The following DGKB variants were observed in gnomAD, a reference collection of about 807,000 sequenced individuals.
DGKB encodes diacylglycerol kinase beta.
DGKB carries 67 observed loss-of-function variants against 114.3 expected under a neutral mutation model. The ratio of observed to expected loss-of-function variants is 0.59; its 90% CI spans 0.48 to 0.72. The LOEUF (loss-of-function observed/expected upper bound fraction) is 0.72. Among genes scored for constraint, DGKB ranks in the 30% least tolerant of loss-of-function variants. DGKB has a pLI of 0.00. For synonymous variants in DGKB, 398 were observed against 323.1 expected (o/e 1.23, Z -2.49); for missense variants, 907 against 975.2 (o/e 0.93, Z 0.93).
At chr7:14,434,174 C>T (rs1828901302) in intron 21 of DGKB, among the ~76,000 whole-genome samples, 1 of 152,106 alleles carries the variant, frequency 6.6e-6, no homozygotes, top group South Asian at 2.1e-4. Context: ...GATGGACAAG[C>T]AAACTGTTTG....
At chr7:14,758,510 A>G (rs924744819) in intron 2 of DGKB, among the ~76,000 whole-genome samples, 18 of 152,154 alleles carry the variant, frequency 1.2e-4, no homozygotes, top group Non-Finnish European at 1.5e-5. Flanking sequence ...GCTAACAAAT[A>G]TGGGTAAGTC....
chr7:14,175,556 A>T (rs1781603659), intron 25 of DGKB, among the ~76,000 whole-genome samples: 1 of 152,150 alleles, frequency 6.6e-6, no homozygotes, highest in Non-Finnish European at 1.5e-5. Context: ...CCAGAGTACT[A>T]GGATAGACCA....
intron 1 of DGKB, among the ~76,000 whole-genome samples, chr7:14,852,029 C>T (rs1400435602): frequency 6.6e-6 from 1 of 152,152 alleles, no homozygotes; most frequent in African/African-American, 2.4e-5. Flanking sequence ...CCTACCAAAT[C>T]TATAAACACA....
intron 20 of DGKB, among the ~76,000 whole-genome samples, chr7:14,537,321 T>G (rs1792666669): frequency 6.6e-6 from 1 of 152,090 alleles, no homozygotes; most frequent in Non-Finnish European, 1.5e-5. Flanking sequence ...AAAATAATTC[T>G]AAAATTCATA....
chr7:14,416,688 C>T (rs554827741), intron 21 of DGKB, among the ~76,000 whole-genome samples: 4 of 152,124 alleles, frequency 2.6e-5, no homozygotes, highest in Admixed American at 6.6e-5. Flanking sequence ...TGTGCTGCCA[C>T]GTAAGGCCTT....
intron 20 of DGKB, among the ~76,000 whole-genome samples, chr7:14,494,436 GTGACCCTA>G (rs1785016195): frequency 6.6e-6 from 1 of 151,800 alleles, no homozygotes. Context: ...ATCTTAATTT[GTGACCCTA>G]CCCACCAAAA....
chr7:14,211,242 C>T (rs1218240514), intron 23 of DGKB, among the ~76,000 whole-genome samples: 3 of 152,152 alleles, frequency 2.0e-5, no homozygotes, highest in Non-Finnish European at 2.9e-5. Flanking sequence ...GTATTTGAAA[C>T]GTGTGACCAT....
intron 7 of DGKB, among the ~76,000 whole-genome samples, chr7:14,700,340 A>G (rs1177354295): frequency 6.6e-6 from 1 of 151,848 alleles, no homozygotes; most frequent in Non-Finnish European, 1.5e-5. Flanking sequence ...CAGCCTCCCA[A>G]GTAGCTGGGA....
intron 17 of DGKB, among the ~76,000 whole-genome samples, chr7:14,587,482 A>C (rs1584977056): frequency 6.6e-6 from 1 of 152,180 alleles, no homozygotes; most frequent in Non-Finnish European, 1.5e-5. Flanking sequence ...AGATTATTAC[A>C]TAAATTTAAT....
At chr7:14,952,627 A>C (rs1786270602) in intron 1 of DGKB, among the ~76,000 whole-genome samples, 1 of 151,892 alleles carries the variant, frequency 6.6e-6, no homozygotes, top group Non-Finnish European at 1.5e-5. Flanking sequence ...ATGGTGGCGC[A>C]CGTCTCTAAT....
At chr7:14,184,778 ACCT>A (rs1031104813) in intron 23 of DGKB, among the ~76,000 whole-genome samples, 5 of 151,672 alleles carry the variant, frequency 3.3e-5, no homozygotes, top group Admixed American at 1.3e-4. Context: ...GGAAAGCACC[ACCT>A]CCTGGCAGGA....
At chr7:14,870,251 C>T (rs1852255865) in intron 1 of DGKB, among the ~76,000 whole-genome samples, 1 of 152,280 alleles carries the variant, frequency 6.6e-6, no homozygotes, top group East Asian at 1.9e-4. Flanking sequence ...CCTCTCCACT[C>T]TCCTGTTTCT....
chr7:14,708,312 A>G (rs944638282), intron 6 of DGKB, among the ~76,000 whole-genome samples: 1 of 118,230 alleles, frequency 8.5e-6, no homozygotes, highest in Admixed American at 8.9e-5. Flanking sequence ...AGGAAATAAA[A>G]GAGGATACAA....
chr7:14,971,272 CATAA>C (rs1158597244), intron 1 of DGKB, among the ~76,000 whole-genome samples: 3 of 152,098 alleles, frequency 2.0e-5, no homozygotes, highest in Non-Finnish European at 2.9e-5. Context: ...GAACAATAGT[CATAA>C]ATAAATATAT....
chr7:14,659,317 CT>C (rs1211046944), intron 13 of DGKB, among the ~76,000 whole-genome samples: 1 of 151,512 alleles, frequency 6.6e-6, no homozygotes. Flanking sequence ...ATAAATTACC[CT>C]GGGCAGTATG....
chr7:14,160,201 T>C (rs62443529), intron 25 of DGKB, among the ~76,000 whole-genome samples: 52,306 of 152,000 alleles, frequency 0.34, 9,985 homozygotes, highest in South Asian at 0.51. Flanking sequence ...AGCATTCCCT[T>C]TGAAAACTGG....
chr7:14,208,587 G>A (rs1296816165), intron 23 of DGKB, among the ~76,000 whole-genome samples: 1 of 151,744 alleles, frequency 6.6e-6, no homozygotes, highest in Non-Finnish European at 1.5e-5. Context: ...ATTTCTTTAT[G>A]TTTGTGTGTA....
intron 13 of DGKB, among the ~76,000 whole-genome samples, chr7:14,646,707 A>G (rs1813094156): frequency 6.6e-6 from 1 of 152,166 alleles, no homozygotes; most frequent in South Asian, 2.1e-4. Context: ...TTGTACAAAT[A>G]CATGGAAATT....
chr7:14,418,696 G>A (rs557635520), intron 21 of DGKB, among the ~76,000 whole-genome samples: 1 of 151,872 alleles, frequency 6.6e-6, no homozygotes, highest in East Asian at 1.9e-4. Flanking sequence ...AAACATCTAG[G>A]TTTAATCCTG....
Sources: allele counts gnomAD v4.1 joint callset (sites outside exome capture counted in the v4.1 genomes callset), GRCh38; gene constraint gnomAD v4.1.1; transcripts MANE v1.5; gene names NCBI Gene and HGNC (gene_info 2026-07-23, HGNC 2026-07-21).